DYM: variants seen among roughly 807,000 people sequenced by gnomAD.
The protein encoded by DYM is dyggve-Melchior-Clausen syndrome protein.
Under a neutral mutation model 93.1 loss-of-function variants are expected in DYM, and 78 were observed. The ratio of observed to expected loss-of-function variants is 0.84; its 90% CI spans 0.70 to 1.01. The LOEUF is 1.01. DYM is among the 50% of genes least tolerant of loss of function. The pLI is 0.00. For missense variants in DYM, 789 were observed against 845.0 expected, an observed-to-expected ratio of 0.93 and a Z score of 0.82; for synonymous variants, 321 against 319.7, an observed-to-expected ratio of 1.00 and a Z score of -0.04.
chr18:49,054,390 T>A (rs1338253575), intron 17 of DYM, among the ~76,000 whole-genome samples: 1 of 152,114 alleles, frequency 6.6e-6, no homozygotes, highest in African/African-American at 2.4e-5. Context: ...TAGAGGGGCA[T>A]GCCACTACGC....
chr18:49,266,677 T>C (rs1340648691), intron 11 of DYM, among the ~76,000 whole-genome samples: 1 of 152,236 alleles, frequency 6.6e-6, no homozygotes, highest in Non-Finnish European at 1.5e-5. Context: ...GTTCTAATTC[T>C]AGTTAATGAA....
chr18:49,104,187 G>A (rs1226297346), intron 16 of DYM, among the ~76,000 whole-genome samples: 1 of 152,076 alleles, frequency 6.6e-6, no homozygotes, highest in Non-Finnish European at 1.5e-5. Context: ...GTGAATGGGA[G>A]TTCACTCATG....
At chr18:49,326,162 G>T (rs2062863204) in intron 8 of DYM, among the ~76,000 whole-genome samples, 1 of 152,038 alleles carries the variant, frequency 6.6e-6, no homozygotes, top group African/African-American at 2.4e-5. Context: ...TTTTAAGTAT[G>T]CCAGGTGGTT....
intron 1 of DYM, among the ~76,000 whole-genome samples, chr18:49,460,011 T>C (rs536689650): frequency 6.6e-6 from 1 of 152,252 alleles, no homozygotes; most frequent in Admixed American, 6.5e-5. Context: ...GTTGTACTTT[T>C]AAAGGGTTAA....
intron 16 of DYM, among the ~76,000 whole-genome samples, 162 bp from the exon 17 acceptor site, chr18:49,097,677 T>G (rs991704262): frequency 3.3e-5 from 5 of 152,234 alleles, no homozygotes; most frequent in African/African-American, 1.2e-4. Context: ...TCCGTTGGGT[T>G]TGATAGCCGA....
At chr18:49,404,535 C>G (rs1198272536) in intron 2 of DYM, among the ~76,000 whole-genome samples, 1 of 152,150 alleles carries the variant, frequency 6.6e-6, no homozygotes, top group African/African-American at 2.4e-5. Flanking sequence ...ACATTCCCAC[C>G]AACGATGTAT....
At chr18:49,378,017 G>T (rs2067676978) in intron 5 of DYM, among the ~76,000 whole-genome samples, 1 of 152,334 alleles carries the variant, frequency 6.6e-6, no homozygotes, top group South Asian at 2.1e-4. Flanking sequence ...AGGAAAGATT[G>T]TGTGAAGGGT....
rs536403336 is a variant in DYM, at chr18:49,266,238, A to T, written c.1251+5940T>A. On this transcript the variant is annotated intron_variant, in intron 11 of 17. Coordinates refer to ENST00000675505, the MANE Select transcript of DYM (RefSeq NM_001353214.3). ...GGTTCTCTCTACAGCTGCAACATGG[A>T]TTTAAAATAACTAAACAATGATTCT... Among the ~76,000 whole-genome samples the T allele has an allele frequency of 1.8e-4, 27 of 152,322 alleles. No individual in the cohort carries two copies. In the East Asian group the frequency reaches 5.0e-3, roughly 28 times the overall value.
chr18:49,339,932 TG>T (rs1568279715), intron 6 of DYM, among the ~76,000 whole-genome samples: 2 of 151,854 alleles, frequency 1.3e-5, no homozygotes, highest in Non-Finnish European at 2.9e-5. Flanking sequence ...TGGGTTTTTT[TG>T]GGGTTTTTTG....
intron 8 of DYM, among the ~76,000 whole-genome samples, chr18:49,312,377 T>G (rs2061651458): frequency 6.6e-6 from 1 of 152,206 alleles, no homozygotes; most frequent in East Asian, 1.9e-4. Flanking sequence ...TTACATATAC[T>G]GACCCTTTCC....
At chr18:49,339,822 A>C (rs2063957831) in intron 6 of DYM, among the ~76,000 whole-genome samples, 1 of 152,232 alleles carries the variant, frequency 6.6e-6, no homozygotes, top group African/African-American at 2.4e-5. Context: ...AACAACACGA[A>C]ACATCCATTA....
At chr18:49,435,434 A>G (rs574863544) in intron 1 of DYM, among the ~76,000 whole-genome samples, 1 of 151,662 alleles carries the variant, frequency 6.6e-6, no homozygotes, top group Non-Finnish European at 1.5e-5. Flanking sequence ...AAAAAAAAAA[A>G]AAAAAAAAGT....
intron 13 of DYM, among the ~76,000 whole-genome samples, chr18:49,216,353 C>A (rs945321963): frequency 1.3e-4 from 20 of 152,206 alleles, no homozygotes; most frequent in African/African-American, 4.8e-4. Context: ...ACAGCAGTAA[C>A]CTCTGCAGAC....
intron 2 of DYM, among the ~76,000 whole-genome samples, chr18:49,428,211 A>G (rs1172098259): frequency 1.3e-5 from 2 of 150,870 alleles, no homozygotes; most frequent in Non-Finnish European, 3.0e-5. Flanking sequence ...TAATCCCAGC[A>G]CTTTGGGGTG....
chr18:49,402,925 T>G (rs1249432392), intron 2 of DYM, among the ~76,000 whole-genome samples: 1 of 152,202 alleles, frequency 6.6e-6, no homozygotes, highest in Non-Finnish European at 1.5e-5. Context: ...TGGTATGACC[T>G]AGCCAAATTA....
chr18:49,359,298 G>A (rs1350941469), intron 6 of DYM, among the ~76,000 whole-genome samples: 2 of 152,072 alleles, frequency 1.3e-5, no homozygotes, highest in African/African-American at 2.4e-5. Flanking sequence ...TGTCAAGCCC[G>A]TGCATAACTT....
chr18:49,279,012 G>T (rs1409127818), intron 10 of DYM, among the ~76,000 whole-genome samples: 1 of 152,116 alleles, frequency 6.6e-6, no homozygotes, highest in Non-Finnish European at 1.5e-5. Flanking sequence ...TTTCTAAAAA[G>T]TATGCCCTCT....
intron 3 of DYM, among the ~76,000 whole-genome samples, chr18:49,387,161 C>T (rs190293052): frequency 6.6e-6 from 1 of 152,098 alleles, no homozygotes; most frequent in East Asian, 1.9e-4. Context: ...ACTCAAGAAT[C>T]CTCCCGCCTT....
chr18:49,211,367 G>C (rs903887427), intron 13 of DYM, among the ~76,000 whole-genome samples: 3 of 152,148 alleles, frequency 2.0e-5, no homozygotes, highest in African/African-American at 7.2e-5. Flanking sequence ...AAGCTAGAGA[G>C]AAGAGAATGT....
Sources: gnomAD v4.1 joint callset for allele counts (sites outside exome capture counted in the v4.1 genomes callset) on GRCh38, gnomAD v4.1.1 for gene constraint, MANE v1.5 for transcripts, NCBI Gene and HGNC (gene_info 2026-07-23, HGNC 2026-07-21) for gene names.